PCTP: variants seen among roughly 807,000 people sequenced by gnomAD.
PCTP encodes the protein START domain-containing protein 2.
A neutral mutation model predicts 31.0 loss-of-function variants in PCTP; 27 were observed. The observed-to-expected ratio is 0.87, with a 90% CI of 0.64 to 1.20. The LOEUF is 1.20. Among genes scored for constraint, PCTP ranks in the 50% most tolerant of loss-of-function variants. The pLI, the probability that PCTP is intolerant of heterozygous loss-of-function variation, is 0.00. For missense variants in PCTP, 287 were observed against 268.2 expected (o/e 1.07, Z -0.49); for synonymous variants, 108 against 101.2 (o/e 1.07, Z -0.40).
At chr17:55,822,029 G>T (rs1913131057) in intron 3 of PCTP, among the ~76,000 whole-genome samples, 1 of 152,126 alleles carries the variant, frequency 6.6e-6, no homozygotes. Flanking sequence ...CATTCTGGAG[G>T]TGAGACTCTT....
intron 5 of PCTP, among the ~76,000 whole-genome samples, chr17:55,840,611 G>A (rs1598025874): frequency 6.6e-6 from 1 of 151,866 alleles, no homozygotes. Flanking sequence ...GAGTGAGAGT[G>A]CAAGCACATA....
chr17:55,831,159 CA>C (rs1170626426), intron 5 of PCTP, among the ~76,000 whole-genome samples: 2 of 151,158 alleles, frequency 1.3e-5, no homozygotes, highest in Non-Finnish European at 2.9e-5. Context: ...CCAAAAGCAG[CA>C]AGGGTGAAAT....
intron 3 of PCTP, among the ~76,000 whole-genome samples, chr17:55,789,088 CT>C (rs1802471727): frequency 2.0e-5 from 3 of 152,174 alleles, no homozygotes; most frequent in Non-Finnish European, 4.4e-5. Context: ...TATATTCACA[CT>C]TTGTTGTGAA....
intron 3 of PCTP, among the ~76,000 whole-genome samples, chr17:55,809,704 G>A (rs1006959345): frequency 2.0e-5 from 3 of 151,980 alleles, no homozygotes; most frequent in African/African-American, 7.3e-5. Flanking sequence ...TGTATTTTTA[G>A]TAGAGATGGG....
At position 55,777,033 on chromosome 17, in the gene PCTP, C is replaced by T. The variant is rs1044347589; in HGVS notation, c.*933C>T. On this transcript the variant is annotated 3_prime_UTR_variant, in exon 6 of 6. Coordinates refer to ENST00000268896, the MANE Select transcript of PCTP (RefSeq NM_021213.4). ...ATGTAGAAGGGATAACAGTTCACAGCCAGGTAAAATTTAACTGGTGGCTTA... is the reference window on the plus strand; with the variant it reads ...ATGTAGAAGGGATAACAGTTCACAGTCAGGTAAAATTTAACTGGTGGCTTA... 4 of 985,662 alleles carry T rather than the reference C, an allele frequency of 4.1e-6. No individual in the cohort carries two copies. The African/African-American group carries it at 7.0e-5, about 17-fold the overall frequency. The allele number at this position is 985,662 out of a possible 1,614,324, so 61.1% of individuals were successfully genotyped here.
intron 3 of PCTP, among the ~76,000 whole-genome samples, chr17:55,809,035 A>G (rs9908082): frequency 0.042 from 6,445 of 152,314 alleles, 441 homozygotes; most frequent in African/African-American, 0.14. Flanking sequence ...CCTAAATCCT[A>G]CATCAGTAGT....
At chr17:55,754,790 C>T (rs968340125) in intron 1 of PCTP, among the ~76,000 whole-genome samples, 10 of 152,030 alleles carry the variant, frequency 6.6e-5, no homozygotes, top group Non-Finnish European at 8.8e-5. Flanking sequence ...AAGACTGTAA[C>T]GAGGGCTATG....
rs557439268 is a variant in PCTP, at chr17:55,751,098, G to T, written c.-6G>T. ...CTCCAGGCGGAGGAGCCCGGACTGC[G>T]GAAGGATGGAGCTGGCCGCCGGAAG... On this transcript the variant is annotated 5_prime_UTR_variant, in exon 1 of 6. Transcript: ENST00000268896. The T allele has an allele frequency of 3.9e-6, 6 of 1,532,690 alleles. No homozygotes were observed. The African/African-American group carries it at 8.3e-5, about 21-fold the overall frequency. 94.9% of individuals were successfully genotyped at this position (1,532,690 alleles called of 1,614,324 possible). A position where few individuals can be genotyped will look rare whatever the true frequency, so the allele number is the denominator to read the frequency against.
At chr17:55,827,362 T>A (rs1331886278), downstream of PCTP, among the ~76,000 whole-genome samples, 1 of 152,222 alleles carries the variant, frequency 6.6e-6, no homozygotes, top group Non-Finnish European at 1.5e-5. Context: ...TAGTTCAATG[T>A]TCAGCCAGCC....
chr17:55,792,162 G>T (rs1268994862), intron 3 of PCTP, among the ~76,000 whole-genome samples: 2 of 118,062 alleles, frequency 1.7e-5, no homozygotes, highest in African/African-American at 6.5e-5. Context: ...GTTGTGGGGT[G>T]GGGGGAGGGG....
intron 3 of PCTP, 126 bp from the exon 4 acceptor site, chr17:55,773,598 T>C: frequency 2.5e-6 from 2 of 802,382 alleles, no homozygotes; most frequent in Non-Finnish European, 4.0e-6. Context: ...AGTGAACTAG[T>C]GGTAGAAAGG....
intron 5 of PCTP, among the ~76,000 whole-genome samples, chr17:55,840,513 C>T (rs1467526931): frequency 6.6e-6 from 1 of 152,190 alleles, no homozygotes; most frequent in Admixed American, 6.5e-5. Context: ...TACAGTAGTG[C>T]ACATCCGTGA....
At chr17:55,848,917 A>T in the PCTP span, among the ~76,000 whole-genome samples, 1 of 152,222 alleles carries the variant, frequency 6.6e-6, no homozygotes, top group South Asian at 2.1e-4. Context: ...CATAGAAAAC[A>T]GTTCATGCTT....
intron 3 of PCTP, among the ~76,000 whole-genome samples, chr17:55,801,619 G>A (rs1385725721): frequency 6.6e-6 from 1 of 152,126 alleles, no homozygotes; most frequent in Non-Finnish European, 1.5e-5. Flanking sequence ...TGACTTCTAG[G>A]TAAATAACGA....
chr17:55,847,212 ATTCTC>A (rs1906169955), downstream of PCTP, among the ~76,000 whole-genome samples: 1 of 152,218 alleles, frequency 6.6e-6, no homozygotes, highest in Admixed American at 6.5e-5. Context: ...TTTTCTGGTT[ATTCTC>A]TTCTCTCTGT....
At chr17:55,804,877 G>T (rs938120513) in intron 3 of PCTP, among the ~76,000 whole-genome samples, 1 of 151,958 alleles carries the variant, frequency 6.6e-6, no homozygotes, top group African/African-American at 2.4e-5. Flanking sequence ...AAATTGAAAA[G>T]ATGGCATAAC....
At chr17:55,757,187 TAC>T (rs1001121962) in intron 1 of PCTP, among the ~76,000 whole-genome samples, 4 of 151,454 alleles carry the variant, frequency 2.6e-5, no homozygotes, top group Non-Finnish European at 4.4e-5. Flanking sequence ...AGAATATATA[TAC>T]ACACACATGC....
chr17:55,802,502 C>G (rs1164659219), intron 3 of PCTP, among the ~76,000 whole-genome samples: 3 of 152,178 alleles, frequency 2.0e-5, no homozygotes, highest in African/African-American at 7.2e-5. Flanking sequence ...TCCAGCAGCA[C>G]ATCAAAAGGC....
chr17:55,757,342 A>C (rs1910090145), intron 1 of PCTP, among the ~76,000 whole-genome samples: 1 of 151,620 alleles, frequency 6.6e-6, no homozygotes, highest in Non-Finnish European at 1.5e-5. Context: ...AGATTCTAAT[A>C]CACACTGAAG....
Sources: allele counts gnomAD v4.1 joint callset (sites outside exome capture counted in the v4.1 genomes callset), GRCh38; gene constraint gnomAD v4.1.1; transcripts MANE v1.5; gene names NCBI Gene and HGNC (gene_info 2026-07-23, HGNC 2026-07-21).